GMDS: variants seen among roughly 807,000 people sequenced by gnomAD.
GMDS encodes the protein GDP-mannose 4,6-dehydratase.
Under a neutral mutation model 49.9 loss-of-function variants are expected in GMDS, and 20 were observed. The ratio of observed to expected loss-of-function variants is 0.40; its 90% CI spans 0.28 to 0.58. GMDS has a LOEUF of 0.58. GMDS is among the 20% of genes least tolerant of loss of function. The probability of loss-of-function intolerance (pLI) is 0.42; values close to 1 mark genes in which losing one functional copy is unlikely to be tolerated. For missense variants in GMDS, 362 were observed against 481.4 expected, an observed-to-expected ratio of 0.75 and a Z score of 2.32; for synonymous variants, 177 against 178.6, an observed-to-expected ratio of 0.99 and a Z score of 0.07.
intron 1 of GMDS, among the ~76,000 whole-genome samples, chr6:2,220,659 A>G (rs1780543855): frequency 6.6e-6 from 1 of 152,130 alleles, no homozygotes; most frequent in Admixed American, 6.5e-5. Context: ...CCTTCGGGCT[A>G]TGTGTTTAAG....
At chr6:2,044,894 G>C (rs1274974551) in intron 4 of GMDS, among the ~76,000 whole-genome samples, 4 of 152,064 alleles carry the variant, frequency 2.6e-5, no homozygotes, top group Admixed American at 1.3e-4. Context: ...GTGTGTGTGT[G>C]TGTGTGTTTT....
intron 4 of GMDS, among the ~76,000 whole-genome samples, chr6:1,979,123 A>G (rs62390680): frequency 0.14 from 20,819 of 152,286 alleles, 1,566 homozygotes; most frequent in East Asian, 0.21. Flanking sequence ...TGAAAACTCA[A>G]TAATCTGGAG....
chr6:2,047,616 G>A (rs1356258570), intron 4 of GMDS, among the ~76,000 whole-genome samples: 1 of 152,040 alleles, frequency 6.6e-6, no homozygotes, highest in Non-Finnish European at 1.5e-5. Context: ...AGCCTCCTGA[G>A]TAGCTGGGAT....
At chr6:1,871,816 G>GC (rs1329923530) in intron 7 of GMDS, among the ~76,000 whole-genome samples, 1 of 152,182 alleles carries the variant, frequency 6.6e-6, no homozygotes, top group African/African-American at 2.4e-5. Context: ...TTCTACAAGA[G>GC]CATAGTTCAC....
In GMDS at chr6:1,849,861, G is replaced by T. The variant is rs1436107687; in HGVS notation, c.771+80242C>A. 2.0e-5 allele frequency among the ~76,000 whole-genome samples: 3 copies of T among 152,038 alleles called. No individual in the cohort carries two copies. The East Asian group carries it at 5.8e-4, about 29-fold the overall frequency. On this transcript the variant is annotated intron_variant, in intron 7 of 10. Coordinates refer to ENST00000380815, the MANE Select transcript of GMDS (RefSeq NM_001500.4). ...TTTGCAATCCCTTCTATCTAACAAA[G>T]AACTTTTCAAAACCCTTTCGTGGAG...
intron 7 of GMDS, among the ~76,000 whole-genome samples, chr6:1,841,873 C>T (rs1757167185): frequency 6.6e-6 from 1 of 152,192 alleles, no homozygotes; most frequent in African/African-American, 2.4e-5. Context: ...TCCCACTGGC[C>T]AGAACGTCCT....
At chr6:1,974,369 T>C (rs1022208184) in intron 4 of GMDS, among the ~76,000 whole-genome samples, 5 of 152,064 alleles carry the variant, frequency 3.3e-5, no homozygotes, top group Non-Finnish European at 7.4e-5. Context: ...ATTAAAATAA[T>C]GCTCAAGAAA....
intron 1 of GMDS, among the ~76,000 whole-genome samples, chr6:2,125,620 G>T (rs1479259773): frequency 6.6e-6 from 1 of 152,108 alleles, no homozygotes; most frequent in Non-Finnish European, 1.5e-5. Flanking sequence ...AAAAATCACT[G>T]GGGAAGGGGA....
chr6:1,821,332 G>A (rs1287612268), intron 7 of GMDS, among the ~76,000 whole-genome samples: 1 of 152,084 alleles, frequency 6.6e-6, no homozygotes, highest in East Asian at 1.9e-4. Flanking sequence ...TTTGAGCGGA[G>A]AGGCTGAATT....
At chr6:1,733,002 ACAC>A (rs1436866704) in intron 8 of GMDS, among the ~76,000 whole-genome samples, 3 of 152,226 alleles carry the variant, frequency 2.0e-5, no homozygotes, top group South Asian at 4.1e-4. Flanking sequence ...GGGCCTCAGC[ACAC>A]CCCAGCCTGA....
At chr6:1,754,621 A>T (rs1393506133) in intron 7 of GMDS, among the ~76,000 whole-genome samples, 5 of 152,218 alleles carry the variant, frequency 3.3e-5, no homozygotes, top group Non-Finnish European at 7.3e-5. Context: ...TCGATGTGAA[A>T]ATCCTCAATA....
At chr6:1,733,660 T>C (rs1766904687) in intron 8 of GMDS, among the ~76,000 whole-genome samples, 1 of 152,066 alleles carries the variant, frequency 6.6e-6, no homozygotes, top group African/African-American at 2.4e-5. Context: ...GGTCTCCAAA[T>C]ACAAAAATTA....
rs141520897 is a variant in GMDS at position 1,815,529 on chromosome 6, A to G, written c.772-72943T>C. ...AAAGGGGACCTTCCACTTGGTGAAT[A>G]TGGCCATGGAATAATCCATTTATGT... On this transcript the variant is annotated intron_variant, in intron 7 of 10. Transcript: ENST00000380815. Among the ~76,000 whole-genome samples the G allele has an allele frequency of 4.6e-5, 7 of 152,330 alleles. No homozygotes were observed. In the East Asian group the frequency reaches 1.3e-3, roughly 29 times the overall value.
At chr6:1,951,316 C>A (rs904079601) in intron 6 of GMDS, among the ~76,000 whole-genome samples, 4 of 152,148 alleles carry the variant, frequency 2.6e-5, no homozygotes, top group African/African-American at 9.7e-5. Context: ...GACGAAAACT[C>A]AAAACCACAA....
At chr6:1,906,631 A>G (rs1413053561) in intron 7 of GMDS, among the ~76,000 whole-genome samples, 1 of 152,138 alleles carries the variant, frequency 6.6e-6, no homozygotes, top group Non-Finnish European at 1.5e-5. Context: ...TGGGGTGTGA[A>G]GCCCAAAATG....
intron 4 of GMDS, among the ~76,000 whole-genome samples, chr6:1,990,734 C>T (rs1338692385): frequency 8.9e-6 from 1 of 112,006 alleles, no homozygotes; most frequent in Non-Finnish European, 1.9e-5. Context: ...ATCAGCACAC[C>T]CAGCTAATTT....
chr6:1,720,983 T>G (rs2113422942), intron 9 of GMDS, among the ~76,000 whole-genome samples: 1 of 152,256 alleles, frequency 6.6e-6, no homozygotes, highest in Non-Finnish European at 1.5e-5. Flanking sequence ...GTGAGTGTGT[T>G]GAGGGCTTTT....
chr6:1,937,141 A>G (rs1762593338), intron 6 of GMDS, among the ~76,000 whole-genome samples: 1 of 152,146 alleles, frequency 6.6e-6, no homozygotes, highest in Non-Finnish European at 1.5e-5. Context: ...TAGCAGCGAT[A>G]GGTGTGCAGG....
intron 4 of GMDS, among the ~76,000 whole-genome samples, chr6:2,085,600 G>A (rs1209563824): frequency 1.3e-5 from 2 of 152,002 alleles, no homozygotes; most frequent in Non-Finnish European, 2.9e-5. Context: ...CACTATCTCA[G>A]CTCACTGTAG....
Sources: gnomAD v4.1 joint callset for allele counts (sites outside exome capture counted in the v4.1 genomes callset) on GRCh38, gnomAD v4.1.1 for gene constraint, MANE v1.5 for transcripts, NCBI Gene and HGNC (gene_info 2026-07-23, HGNC 2026-07-21) for gene names.